The following LEPR variants were observed in gnomAD, a reference collection of about 807,000 sequenced individuals.
The protein encoded by LEPR is leptin receptor, also known as OB receptor.
Under a neutral mutation model 114.7 loss-of-function variants are expected in LEPR, and 56 were observed. That is an observed-to-expected ratio of 0.49 (90% confidence interval 0.39 to 0.61). The LOEUF (loss-of-function observed/expected upper bound fraction) is 0.61, where lower values mean the gene tolerates loss of function less well. Ranked by LOEUF, LEPR falls within the 20% of genes least tolerant of loss-of-function variation. The probability of loss-of-function intolerance (pLI) is 0.00; values close to 1 mark genes in which losing one functional copy is unlikely to be tolerated. For missense variants in LEPR, 1,202 were observed against 1,352.9 expected (o/e 0.89, Z 1.75); for synonymous variants, 443 against 461.4 (o/e 0.96, Z 0.51).
At chr1:65,522,884 G>A (rs952422491) in intron 2 of LEPR, among the ~76,000 whole-genome samples, 2 of 151,346 alleles carry the variant, frequency 1.3e-5, no homozygotes. Context: ...ATGAGTCAGG[G>A]TGCTAATCTG....
rs771996352 is a variant in LEPR at position 65,601,964 on chromosome 1, C to T, written c.1403+4C>T. The T allele has an allele frequency of 1.8e-5, 29 of 1,610,232 alleles. No individual in the cohort carries two copies. Among genetic ancestry groups the T allele is most frequent in the African/African-American group, 1.1e-4 (8 of 74,764 alleles). On this transcript the variant is annotated splice_donor_region_variant and intron_variant, in intron 10 of 19. Transcript: ENST00000349533. ...CTTTGCAATTGAGGTATCATAGGTA[C>T]GTATTATTTTTGCTGTTTTGTTTTT...
At position 65,500,806 on chromosome 1, in the gene LEPR, AC is replaced by A. The variant is rs1470363280; in HGVS notation, c.-20-64735del. 1.4e-4 allele frequency among the ~76,000 whole-genome samples: 21 copies of A among 152,062 alleles called. No individual in the cohort carries two copies. The East Asian group carries it at 3.3e-3, about 24-fold the overall frequency. On this transcript the variant is annotated intron_variant, in intron 2 of 19. Transcript: ENST00000349533. ...ACTGCACGAGGTGTTGGCACCCTTA[AC>A]CCCCACGTTGTTCAACTATACCTTC... is the stretch of plus-strand genomic sequence containing the variant.
At chr1:65,492,976 G>A (rs778920877) in intron 2 of LEPR, among the ~76,000 whole-genome samples, 27 of 151,870 alleles carry the variant, frequency 1.8e-4, no homozygotes, top group African/African-American at 2.7e-4. Flanking sequence ...GGTATTAATC[G>A]TCCATCTTTT....
intron 2 of LEPR, among the ~76,000 whole-genome samples, chr1:65,528,530 T>G (rs1650136132): frequency 6.6e-6 from 1 of 152,032 alleles, no homozygotes; most frequent in African/African-American, 2.4e-5. Context: ...TCATCACACA[T>G]AATCTTATTA....
intron 2 of LEPR, among the ~76,000 whole-genome samples, chr1:65,533,518 T>A (rs1012542759): frequency 3.3e-5 from 5 of 152,158 alleles, no homozygotes; most frequent in African/African-American, 1.2e-4. Flanking sequence ...TTTCTTTGAT[T>A]TTTTCTGTTC....
chr1:65,437,374 A>G (rs1430416059), intron 2 of LEPR, among the ~76,000 whole-genome samples: 1 of 152,110 alleles, frequency 6.6e-6, no homozygotes, highest in Non-Finnish European at 1.5e-5. Flanking sequence ...GGAAACATGC[A>G]AATGTCCATT....
At chr1:65,606,844 G>A (rs114123539) in intron 11 of LEPR, among the ~76,000 whole-genome samples, 1 of 152,126 alleles carries the variant, frequency 6.6e-6, no homozygotes, top group African/African-American at 2.4e-5. Context: ...GAATAATCAT[G>A]ATAAACTTTA....
chr1:65,445,729 T>C (rs1488576617), intron 2 of LEPR, among the ~76,000 whole-genome samples: 1 of 151,892 alleles, frequency 6.6e-6, no homozygotes, highest in South Asian at 2.1e-4. Flanking sequence ...TAGAGTTTTG[T>C]TTTTTTTCTA....
chr1:65,494,670 G>T (rs946566153), intron 2 of LEPR, among the ~76,000 whole-genome samples: 3 of 152,010 alleles, frequency 2.0e-5, no homozygotes, highest in Non-Finnish European at 4.4e-5. Flanking sequence ...AACTTTCTTA[G>T]CCACTGTAAA....
At chr1:65,520,679 A>ACC (rs397860469) in intron 2 of LEPR, among the ~76,000 whole-genome samples, 3 of 151,948 alleles carry the variant, frequency 2.0e-5, no homozygotes, top group African/African-American at 7.3e-5. Context: ...CAGGGGTCTC[A>ACC]GCCTTCAGAG....
intron 2 of LEPR, among the ~76,000 whole-genome samples, chr1:65,446,297 T>G (rs1263977292): frequency 6.6e-6 from 1 of 152,250 alleles, no homozygotes; most frequent in Non-Finnish European, 1.5e-5. Flanking sequence ...TTAGCCATTC[T>G]AATAGTTCCT....
chr1:65,514,197 C>A lies in LEPR; in HGVS notation c.-20-51349C>A, dbSNP rs186516597. On this transcript the variant is annotated intron_variant, in intron 2 of 19. Coordinates refer to ENST00000349533, the MANE Select transcript of LEPR (RefSeq NM_002303.6). ...GTAAATAGCTGCTTGAATTTCACTG[C>A]TGTTACATAGCTTTTCAGATAGTCA... 2.0e-5 allele frequency among the ~76,000 whole-genome samples: 3 copies of A among 152,090 alleles called. No homozygotes were observed. In the East Asian group the frequency reaches 5.8e-4, roughly 29 times the overall value.
At chr1:65,605,883 T>C (rs770954915) in intron 11 of LEPR, among the ~76,000 whole-genome samples, 4 of 152,210 alleles carry the variant, frequency 2.6e-5, no homozygotes, top group Non-Finnish European at 5.9e-5. Context: ...CTGTTACATA[T>C]GTATAACTAA....
At chr1:65,432,372 C>T (rs1273418752) in intron 2 of LEPR, 1 of 957,324 alleles carries the variant, frequency 1.0e-6, no homozygotes, top group East Asian at 1.1e-4. Flanking sequence ...TCAACATTTC[C>T]TAGAGCCTTA....
At chr1:65,421,932 T>C in intron 1 of LEPR, among the ~76,000 whole-genome samples, 1 of 152,196 alleles carries the variant, frequency 6.6e-6, no homozygotes, top group East Asian at 1.9e-4. Flanking sequence ...TGTTCAACTT[T>C]TATTGAGGAA....
At chr1:65,521,992 C>T (rs1390161469) in intron 2 of LEPR, among the ~76,000 whole-genome samples, 1 of 151,972 alleles carries the variant, frequency 6.6e-6, no homozygotes, top group Non-Finnish European at 1.5e-5. Context: ...CCCAGCTACT[C>T]GGAAGGCTTT....
In LEPR at chr1:65,601,392, A is replaced by G; in HGVS notation, c.995A>G (p.Asp332Gly). 6.2e-7 allele frequency: 1 copy of G among 1,612,282 alleles called. No homozygotes were observed. ...WSTPRVFTTQ[D>G]VIYFPPKILT... Reference sequence around the variant, plus strand: ...GATATCCTTTCTTCCCTCATTACAGATGTCATATACTTTCCACCTAAAATT... The same window carrying G: ...GATATCCTTTCTTCCCTCATTACAGGTGTCATATACTTTCCACCTAAAATT... The change falls in exon 9 of 20, where the codon GAT becomes GGT. Residue 332 changes from aspartate to glycine, a missense_variant and splice_region_variant. Coordinates refer to ENST00000349533, the MANE Select transcript of LEPR (RefSeq NM_002303.6).
At chr1:65,425,045 C>CT (rs761851017) in intron 1 of LEPR, among the ~76,000 whole-genome samples, 7 of 151,964 alleles carry the variant, frequency 4.6e-5, no homozygotes, top group Non-Finnish European at 8.8e-5. Flanking sequence ...TTTTTTCTTT[C>CT]TTTTTTATTT....
At chr1:65,543,988 T>A (rs1385701316) in intron 2 of LEPR, among the ~76,000 whole-genome samples, 1 of 152,038 alleles carries the variant, frequency 6.6e-6, no homozygotes, top group Admixed American at 6.5e-5. Flanking sequence ...AAGTAGTTTT[T>A]AAAATTCTTT....
Sources: allele counts gnomAD v4.1 joint callset (sites outside exome capture counted in the v4.1 genomes callset), GRCh38; gene constraint gnomAD v4.1.1; transcripts MANE v1.5; gene names NCBI Gene and HGNC (gene_info 2026-07-23, HGNC 2026-07-21).